CNKSR1: variants seen among roughly 807,000 people sequenced by gnomAD.
CNKSR1 encodes connector enhancer of kinase suppressor of Ras 1, also known as CNK homolog protein 1.
A neutral mutation model predicts 95.6 loss-of-function variants in CNKSR1; 88 were observed. The observed-to-expected ratio is 0.92, with a 90% CI of 0.78 to 1.10. CNKSR1 has a LOEUF of 1.10. Ranked by LOEUF, CNKSR1 falls within the 50% of genes least tolerant of loss-of-function variation. The probability of loss-of-function intolerance (pLI) is 0.00; values close to 1 mark genes in which losing one functional copy is unlikely to be tolerated. For synonymous variants in CNKSR1, 355 were observed against 369.7 expected (o/e 0.96, Z 0.46); for missense variants, 836 against 912.0 (o/e 0.92, Z 1.07).
intron 14 of CNKSR1, 73 bp downstream of exon 14, chr1:26,185,259 C>A: frequency 6.9e-7 from 1 of 1,447,602 alleles, no homozygotes; most frequent in Non-Finnish European, 9.5e-7. Flanking sequence ...TCTATTCTAT[C>A]ATCCACTCTT....
chr1:26,185,238 C>T (rs899976226), intron 14 of CNKSR1, 52 bp downstream of exon 14: 40 of 1,513,898 alleles, frequency 2.6e-5, no homozygotes, highest in East Asian at 2.5e-4. Context: ...TTCCAGGCCT[C>T]GATTCTCATC....
chr1:26,188,616 G>A lies in CNKSR1; in HGVS notation c.1609G>A (p.Gly537Arg). 4 of 1,613,790 alleles carry A rather than the reference G, an allele frequency of 2.5e-6. No individual in the cohort carries two copies. The highest frequency in any genetic ancestry group is 2.5e-6 in the Non-Finnish European group (3 of 1,179,880). Residue 537 changes from glycine to arginine, a missense_variant, in exon 19 of 21, where the codon GGG (glycine) becomes AGG (arginine). Physicochemically the swap from Gly to Arg is moderately radical, Grantham distance 125. Transcript: ENST00000361530. ...CCTGCAGCCCAGCCCTGCTCAAGCT[G>A]GGAGTCCCCTCCATGGAGACACATC... The part of the protein sequence containing the change: ...HSASPSPAQA[G>R]SPLHGDTSPA...
Position 26,184,602 on chromosome 1 carries a change from G to T in CNKSR1, c.1125G>T (p.Lys375Asn). ...CCTTTCAGAGTCCTGTTGGTCGGAA[G>T]AAATCAAAAGGTATGAGGTGCGCTG... ...ESPDKSPVGR[K>N]KSKGLATRLS... Residue 375 changes from lysine to asparagine, a missense_variant, in exon 13 of 21, where the codon AAG becomes AAT. By Grantham distance (94) the Lys-to-Asn change is moderately conservative (BLOSUM62 0). Coordinates refer to ENST00000361530, the MANE Select transcript of CNKSR1 (RefSeq NM_006314.3). The T allele has an allele frequency of 6.2e-7, 1 of 1,605,192 alleles. No individual in the cohort carries two copies. Among genetic ancestry groups the T allele is most frequent in the Non-Finnish European group, 8.5e-7 (1 of 1,176,158 alleles).
rs1328048312 is a variant in CNKSR1, at chr1:26,189,332, G to A, written c.1926G>A (p.Leu642=). The change falls in exon 21 of 21, where the codon CTG becomes CTA. Residue 642 remains leucine (L), a synonymous_variant. Coordinates refer to ENST00000361530, the MANE Select transcript of CNKSR1 (RefSeq NM_006314.3). ...VLEEVLGDPE[L]TGEKFRQWKE... ...AAGAAGTGCTGGGTGACCCTGAGCT[G>A]ACAGGAGAGAAGTTCCGCCAGTGGA... is the stretch of plus-strand genomic sequence containing the variant. The A allele has an allele frequency of 1.2e-6, 2 of 1,614,058 alleles. No homozygotes were observed. Among genetic ancestry groups the A allele is most frequent in the Non-Finnish European group, 1.7e-6 (2 of 1,180,018 alleles).
At chr1:26,185,793 AAT>A (rs1477025619) in intron 14 of CNKSR1, among the ~76,000 whole-genome samples, 1 of 152,018 alleles carries the variant, frequency 6.6e-6, no homozygotes, top group Non-Finnish European at 1.5e-5. Context: ...AGCCCGCCAG[AAT>A]GCTGGGATTA....
intron 1 of CNKSR1, 146 bp downstream of exon 1, chr1:26,177,745 G>A (rs2088585015): frequency 1.1e-6 from 1 of 894,676 alleles, no homozygotes; most frequent in African/African-American, 1.7e-5. Context: ...GGAAGCCAAG[G>A]TGGGTGGGTC....
Position 26,188,217 on chromosome 1 carries a change from C to T in CNKSR1, c.1455-17C>T. The T allele has an allele frequency of 6.2e-7, 1 of 1,613,232 alleles. No homozygotes were observed. ...CCAGTGGATGGAAACCCTGTGAGAC[C>T]TGCTTGCTCTCCATAGGTGGGTGCG... is the stretch of plus-strand genomic sequence containing the variant. On this transcript the variant is annotated splice_polypyrimidine_tract_variant and intron_variant, in intron 16 of 20. Transcript: ENST00000361530.
chr1:26,188,680 C>T lies in CNKSR1; in HGVS notation c.1673C>T (p.Ser558Phe). Residue 558 changes from serine (S) to phenylalanine (F), a missense_variant, in exon 19 of 21, where the codon TCC (serine) becomes TTC (phenylalanine). Physicochemically the swap from Ser to Phe is radical, Grantham distance 155. Coordinates refer to ENST00000361530, the MANE Select transcript of CNKSR1 (RefSeq NM_006314.3). ...ATPTQRSPRT[S>F]FGSLTDSSEE... ...CCCACACAGCGCAGCCCACGGACCT[C>T]CTTTGGCTCTCTGACAGGTGCTGGG... 6.2e-7 allele frequency: 1 copy of T among 1,613,856 alleles called. No individual in the cohort carries two copies. The highest frequency in any genetic ancestry group is 1.1e-5 in the South Asian group (1 of 91,076).
In CNKSR1 at chr1:26,188,908, C is replaced by T; in HGVS notation, c.1827C>T (p.Leu609=). ...SFMRRNRDPQ[L]NERVHRVRAL... ...TGCGGCGCAACCGAGACCCTCAGCTCAATGAGCGAGTGCACCGTGTGCGGG... is the reference window on the plus strand; with the variant it reads ...TGCGGCGCAACCGAGACCCTCAGCTTAATGAGCGAGTGCACCGTGTGCGGG... Residue 609 remains leucine, a synonymous_variant, in exon 20 of 21, where the codon CTC becomes CTT. Coordinates refer to ENST00000361530, the MANE Select transcript of CNKSR1 (RefSeq NM_006314.3). 6.2e-7 allele frequency: 1 copy of T among 1,613,888 alleles called. No homozygotes were observed. Among genetic ancestry groups the T allele is most frequent in the Non-Finnish European group, 8.5e-7 (1 of 1,180,008 alleles).
chr1:26,180,959 G>C, intron 3 of CNKSR1, 63 bp downstream of exon 3: 1 of 1,597,268 alleles, frequency 6.3e-7, no homozygotes, highest in Non-Finnish European at 8.6e-7. Context: ...CAGGGCGTGG[G>C]AGAGAAAAAC....
chr1:26,187,195 G>A lies in CNKSR1; in HGVS notation c.1336G>A (p.Val446Ile), dbSNP rs531511765. Residue 446 changes from valine (V) to isoleucine (I), a missense_variant, in exon 15 of 21, where the codon GTC (valine) becomes ATC (isoleucine). Val to Ile is a conservative substitution (Grantham distance 29, BLOSUM62 3). Transcript: ENST00000361530. Reference protein sequence around the residue: ...QDEKAEGLINVSNYSLESGHD... With the variant: ...QDEKAEGLINISNYSLESGHD... ...TGAGAAGGCTGAGGGCCTCATCAAT[G>A]TCTCCAACTATAGTCTGGAAAGTGG... The A allele has an allele frequency of 2.4e-5, 39 of 1,614,118 alleles. No homozygotes were observed. The African/African-American group carries it at 4.0e-4, about 17-fold the overall frequency.
chr1:26,182,022 C>A, intron 4 of CNKSR1, 81 bp downstream of exon 4: 2 of 1,300,834 alleles, frequency 1.5e-6, no homozygotes, highest in Non-Finnish European at 2.2e-6. Flanking sequence ...GTGAATCAGC[C>A]CAGGATCGAG....
chr1:26,185,666 A>C (rs968175763), intron 14 of CNKSR1, among the ~76,000 whole-genome samples: 3 of 152,068 alleles, frequency 2.0e-5, no homozygotes, highest in Non-Finnish European at 2.9e-5. Context: ...TGCTGGGATT[A>C]CAGGCGTGAG....
intron 14 of CNKSR1, among the ~76,000 whole-genome samples, chr1:26,186,404 G>A (rs751085788): frequency 3.3e-5 from 5 of 152,076 alleles, no homozygotes; most frequent in Non-Finnish European, 4.4e-5. Flanking sequence ...AGGTTCAAGC[G>A]ATCCTCCTGC....
chr1:26,180,148 C>T, intron 1 of CNKSR1: 1 of 454,098 alleles, frequency 2.2e-6, no homozygotes, highest in Non-Finnish European at 4.0e-6. Flanking sequence ...AAAAAGACTG[C>T]TGGGCCCCAA....
At chr1:26,182,083 G>A (rs1418407116) in intron 4 of CNKSR1, 142 bp downstream of exon 4, 8 of 871,122 alleles carry the variant, frequency 9.2e-6, no homozygotes, top group South Asian at 5.5e-5. Flanking sequence ...CTGCCACTGG[G>A]TATGGGACAA....
chr1:26,187,890 G>C (rs1007234007), intron 16 of CNKSR1, among the ~76,000 whole-genome samples: 4 of 151,776 alleles, frequency 2.6e-5, no homozygotes, highest in African/African-American at 9.7e-5. Flanking sequence ...CAAAGAGCTG[G>C]GATTACAGGT....
In CNKSR1 at chr1:26,189,321, G is replaced by A. The variant is rs918396325; in HGVS notation, c.1915G>A (p.Asp639Asn). 2.5e-6 allele frequency: 4 copies of A among 1,614,152 alleles called. No individual in the cohort carries two copies. The highest frequency in any genetic ancestry group is 3.4e-6 in the Non-Finnish European group (4 of 1,179,996). The change falls in exon 21 of 21, where the codon GAC becomes AAC. Residue 639 changes from aspartate to asparagine, a missense_variant. Coordinates refer to ENST00000361530, the MANE Select transcript of CNKSR1 (RefSeq NM_006314.3). Reference sequence around the variant, plus strand: ...GCAGGTCCTAGAAGAAGTGCTGGGTGACCCTGAGCTGACAGGAGAGAAGTT... The same window carrying A: ...GCAGGTCCTAGAAGAAGTGCTGGGTAACCCTGAGCTGACAGGAGAGAAGTT... ...ELQVLEEVLG[D>N]PELTGEKFRQ...
chr1:26,185,375 G>A (rs2088730571), intron 14 of CNKSR1, among the ~76,000 whole-genome samples, 189 bp downstream of exon 14: 1 of 151,752 alleles, frequency 6.6e-6, no homozygotes, highest in Non-Finnish European at 1.5e-5. Flanking sequence ...GGTATCATAG[G>A]AGGTATAGAG....
Sources: gnomAD v4.1 joint callset for allele counts (sites outside exome capture counted in the v4.1 genomes callset) on GRCh38, gnomAD v4.1.1 for gene constraint, MANE v1.5 for transcripts, NCBI Gene and HGNC (gene_info 2026-07-23, HGNC 2026-07-21) for gene names.